Variants in SPIRE1 observed in about 807,000 individuals in gnomAD.
The protein encoded by SPIRE1 is protein spire homolog 1.
SPIRE1 carries 40 observed loss-of-function variants against 94.1 expected under a neutral mutation model. The ratio of observed to expected loss-of-function variants is 0.43; its 90% CI spans 0.33 to 0.55. The LOEUF is 0.55. SPIRE1 is among the 20% of genes least tolerant of loss of function. The probability of loss-of-function intolerance (pLI) is 0.06; values close to 1 mark genes in which losing one functional copy is unlikely to be tolerated. For synonymous variants in SPIRE1, 376 were observed against 371.7 expected, an observed-to-expected ratio of 1.01 and a Z score of -0.13; for missense variants, 838 against 975.2, an observed-to-expected ratio of 0.86 and a Z score of 1.87.
At chr18:12,618,948 G>A (rs573931578) in intron 2 of SPIRE1, among the ~76,000 whole-genome samples, 1 of 151,902 alleles carries the variant, frequency 6.6e-6, no homozygotes, top group Admixed American at 6.6e-5. Context: ...GCAATGGTGC[G>A]ATCTCGGCTC....
At chr18:12,568,206 AC>A (rs2035866392) in intron 2 of SPIRE1, among the ~76,000 whole-genome samples, 1 of 152,208 alleles carries the variant, frequency 6.6e-6, no homozygotes, top group Admixed American at 6.5e-5. Flanking sequence ...TGTTTTCTGG[AC>A]CTTCCCAGGG....
chr18:12,486,448 A>T (rs192899878), intron 8 of SPIRE1, among the ~76,000 whole-genome samples: 69 of 152,334 alleles, frequency 4.5e-4, no homozygotes, highest in Admixed American at 1.6e-3. Context: ...AATAAAGGTG[A>T]AACAGTTCAT....
At position 12,449,435 on chromosome 18, in the gene SPIRE1, G is replaced by A. The variant is rs1014800765; in HGVS notation, c.*203C>T. Reference sequence around the variant, plus strand: ...ACTGTTGTCCTCTCTCAGTGCAAACGAGCAATTGGCGGACCTGTCACGTTT... The same window carrying A: ...ACTGTTGTCCTCTCTCAGTGCAAACAAGCAATTGGCGGACCTGTCACGTTT... On this transcript the variant is annotated 3_prime_UTR_variant, in exon 17 of 17. Coordinates refer to ENST00000409402, the MANE Select transcript of SPIRE1 (RefSeq NM_001128626.2). 36 of 603,144 alleles carry A rather than the reference G, an allele frequency of 6.0e-5. No individual in the cohort carries two copies. The highest frequency in any genetic ancestry group is 9.2e-5 in the Non-Finnish European group (32 of 347,964). 37.4% of individuals were successfully genotyped at this position (603,144 alleles called of 1,614,324 possible).
chr18:12,662,016 T>C, upstream of SPIRE1: 1 of 262,154 alleles, frequency 3.8e-6, no homozygotes, highest in Non-Finnish European at 7.9e-6. Flanking sequence ...TTTTTTATAT[T>C]TACTTCTTAT....
At chr18:12,557,187 C>T (rs546751299) in intron 2 of SPIRE1, among the ~76,000 whole-genome samples, 34 of 152,324 alleles carry the variant, frequency 2.2e-4, no homozygotes, top group Admixed American at 1.4e-3. Context: ...CCGGTCGCCG[C>T]GGAGCAGGGG....
upstream of SPIRE1, chr18:12,658,339 C>A: frequency 2.3e-6 from 1 of 431,990 alleles, no homozygotes. Flanking sequence ...GCTGGGGGCG[C>A]AATGGTGAGG....
At chr18:12,606,594 G>A (rs1396469831) in intron 2 of SPIRE1, among the ~76,000 whole-genome samples, 1 of 150,658 alleles carries the variant, frequency 6.6e-6, no homozygotes, top group East Asian at 1.9e-4. Flanking sequence ...GCGGTAGCAC[G>A]ATCTTGGCTC....
intron 2 of SPIRE1, among the ~76,000 whole-genome samples, chr18:12,570,294 T>C (rs1477527091): frequency 6.6e-6 from 1 of 152,198 alleles, no homozygotes; most frequent in Non-Finnish European, 1.5e-5. Flanking sequence ...CATGTGTAAA[T>C]AGCAATAGAT....
At chr18:12,660,860 A>C (rs1330154510), upstream of SPIRE1, among the ~76,000 whole-genome samples, 1 of 152,210 alleles carries the variant, frequency 6.6e-6, no homozygotes, top group African/African-American at 2.4e-5. Context: ...CAAGTAGAAT[A>C]TTGTGTGATG....
chr18:12,548,613 T>TC (rs2035241774), intron 2 of SPIRE1, among the ~76,000 whole-genome samples: 1 of 151,818 alleles, frequency 6.6e-6, no homozygotes, highest in Non-Finnish European at 1.5e-5. Flanking sequence ...TCTTTTTTTT[T>TC]TTTTTCTTCT....
intron 16 of SPIRE1, chr18:12,450,396 C>T (rs552992929): frequency 2.5e-6 from 1 of 405,206 alleles, no homozygotes; most frequent in African/African-American, 2.1e-5. Flanking sequence ...AAGCAGAAAA[C>T]ATGTCTTATT....
At chr18:12,575,595 A>C (rs1469649366) in intron 2 of SPIRE1, among the ~76,000 whole-genome samples, 1 of 152,210 alleles carries the variant, frequency 6.6e-6, no homozygotes, top group African/African-American at 2.4e-5. Context: ...TGCTGGGATT[A>C]CAGGCATGAA....
intron 12 of SPIRE1, among the ~76,000 whole-genome samples, chr18:12,459,510 C>T (rs1044804107): frequency 2.0e-5 from 3 of 152,310 alleles, no homozygotes; most frequent in South Asian, 2.1e-4. Context: ...TTAGGTCACC[C>T]GAGGAGACAA....
chr18:12,630,048 T>C (rs908739248), intron 2 of SPIRE1, among the ~76,000 whole-genome samples: 8 of 152,222 alleles, frequency 5.3e-5, no homozygotes, highest in Admixed American at 3.3e-4. Context: ...TCATAATTTT[T>C]AATTTTTAAG....
chr18:12,475,436 C>A (rs139486871), intron 10 of SPIRE1, among the ~76,000 whole-genome samples: 39 of 152,064 alleles, frequency 2.6e-4, no homozygotes, highest in Non-Finnish European at 5.0e-4. Context: ...CAGAGACCAT[C>A]ATATTTCTGT....
chr18:12,626,793 A>G (rs1031552439), intron 2 of SPIRE1, among the ~76,000 whole-genome samples: 1 of 151,374 alleles, frequency 6.6e-6, no homozygotes, highest in Non-Finnish European at 1.5e-5. Context: ...TGCAAATAAT[A>G]GGATCTACTT....
intron 2 of SPIRE1, among the ~76,000 whole-genome samples, chr18:12,573,875 G>A (rs1406152494): frequency 6.6e-6 from 1 of 152,042 alleles, no homozygotes; most frequent in Non-Finnish European, 1.5e-5. Context: ...GAGTAGCTGG[G>A]ACTACAGGTG....
intron 11 of SPIRE1, 69 bp from the exon 12 acceptor site, chr18:12,463,562 G>C: frequency 8.2e-7 from 1 of 1,222,298 alleles, no homozygotes; most frequent in Non-Finnish European, 1.2e-6. Flanking sequence ...TGACATTTGT[G>C]ACAAACACTG....
intron 2 of SPIRE1, among the ~76,000 whole-genome samples, chr18:12,553,065 G>T (rs574954769): frequency 3.3e-5 from 5 of 151,738 alleles, no homozygotes; most frequent in African/African-American, 7.3e-5. Flanking sequence ...TAAATAATCA[G>T]CAGCAATACC....
Sources: gnomAD v4.1 joint callset for allele counts (sites outside exome capture counted in the v4.1 genomes callset) on GRCh38, gnomAD v4.1.1 for gene constraint, MANE v1.5 for transcripts, NCBI Gene and HGNC (gene_info 2026-07-23, HGNC 2026-07-21) for gene names.